The following SLC8B1 variants were observed in gnomAD, a reference collection of about 807,000 sequenced individuals.
The protein encoded by SLC8B1 is mitochondrial sodium/calcium exchanger protein.
Under a neutral mutation model 63.4 loss-of-function variants are expected in SLC8B1, and 52 were observed. The observed-to-expected ratio is 0.82, with a 90% CI of 0.66 to 1.03. The LOEUF is 1.03. SLC8B1 is among the 50% of genes least tolerant of loss of function. The pLI is 0.00. For synonymous variants in SLC8B1, 336 were observed against 323.9 expected, an observed-to-expected ratio of 1.04 and a Z score of -0.40; for missense variants, 657 against 741.7, an observed-to-expected ratio of 0.89 and a Z score of 1.33.
intron 11 of SLC8B1, among the ~76,000 whole-genome samples, chr12:113,311,065 G>A (rs936098775): frequency 7.2e-4 from 109 of 152,212 alleles, no homozygotes; most frequent in African/African-American, 2.6e-3. Flanking sequence ...CTATAATGCC[G>A]GCACTTTGGG....
rs971933254 is a variant in SLC8B1, at chr12:113,305,234, G to A, written c.1493-849C>T. On this transcript the variant is annotated intron_variant, in intron 14 of 15. Coordinates refer to ENST00000680972, the MANE Select transcript of SLC8B1 (RefSeq NM_001358345.2). This position sits in a 1 kb window ranked among gnomAD's most constrained non-coding sequence, Gnocchi z 4.3. The stretch of plus-strand genomic sequence containing the variant: ...CAGCCAACCTGGGAGGTCAGGCGAG[G>A]CTGCAGCCCGAAAGCCAGGAGTAGG... 2.0e-5 allele frequency among the ~76,000 whole-genome samples: 3 copies of A among 152,232 alleles called. No individual in the cohort carries two copies. Among genetic ancestry groups the A allele is most frequent in the Non-Finnish European group, 2.9e-5 (2 of 68,042 alleles).
chr12:113,321,692 T>G (rs1032634755), intron 2 of SLC8B1, among the ~76,000 whole-genome samples: 5 of 152,142 alleles, frequency 3.3e-5, no homozygotes, highest in Admixed American at 6.6e-5. Context: ...TCAATTATAT[T>G]TGTATATATA....
Position 113,320,894 on chromosome 12 carries a change from A to G in SLC8B1, c.376T>C (p.Leu126=). The G allele has an allele frequency of 6.2e-7, 1 of 1,606,480 alleles. No individual in the cohort carries two copies. Among genetic ancestry groups the G allele is most frequent in the Non-Finnish European group, 8.5e-7 (1 of 1,177,378 alleles). Residue 126 remains leucine (L), a synonymous_variant, in exon 5 of 16, where the codon TTG becomes CTG. Transcript: ENST00000680972. This position sits in a 1 kb window ranked among gnomAD's most constrained non-coding sequence, Gnocchi z 5.3. ...TTCAGTGTGGTAGAAATGGCCGACAAGTTGGGGCAGAAACTACGGAGAAAA... is the reference window on the plus strand; with the variant it reads ...TTCAGTGTGGTAGAAATGGCCGACAGGTTGGGGCAGAAACTACGGAGAAAA... ...VTAAKFFCPN[L]SAISTTLKLS...
Position 113,299,865 on chromosome 12 carries a change from T to C in SLC8B1, c.1667A>G (p.Tyr556Cys), listed in dbSNP as rs931374983. Reference sequence around the variant, plus strand: ...GTAGAAGAGGAGCAGGCAGAAGCCATAGACTCTGCTGAGCTGGAAGCACTG... The same window carrying C: ...GTAGAAGAGGAGCAGGCAGAAGCCACAGACTCTGCTGAGCTGGAAGCACTG... ...PLQCFQLSRV[Y>C]GFCLLLFYLN... is the part of the protein sequence containing the mutation. Residue 556 changes from tyrosine to cysteine, a missense_variant, in exon 16 of 16, where the codon TAT becomes TGT. By Grantham distance (194) the Tyr-to-Cys change is radical. Coordinates refer to ENST00000680972, the MANE Select transcript of SLC8B1 (RefSeq NM_001358345.2). 3.1e-6 allele frequency: 5 copies of C among 1,614,166 alleles called. No homozygotes were observed. Among genetic ancestry groups the C allele is most frequent in the East Asian group, 2.2e-5 (1 of 44,884 alleles).
chr12:113,314,054 A>G (rs1174309313), intron 11 of SLC8B1, among the ~76,000 whole-genome samples: 1 of 152,168 alleles, frequency 6.6e-6, no homozygotes, highest in Non-Finnish European at 1.5e-5. Flanking sequence ...TAAAGATGCC[A>G]CAACGCTTGT....
At chr12:113,317,781 T>C (rs1279537448) in intron 8 of SLC8B1, among the ~76,000 whole-genome samples, 1 of 151,982 alleles carries the variant, frequency 6.6e-6, no homozygotes. Flanking sequence ...TTTGTATGTG[T>C]GTTGTGTATG....
chr12:113,330,781 T>C (rs1418114976), intron 2 of SLC8B1, among the ~76,000 whole-genome samples: 1 of 152,162 alleles, frequency 6.6e-6, no homozygotes, highest in Non-Finnish European at 1.5e-5. Flanking sequence ...GCTGTGGGCA[T>C]TGAATGCTCT....
chr12:113,334,247 C>G (rs567668205), intron 1 of SLC8B1, among the ~76,000 whole-genome samples, 196 bp downstream of exon 1: 3 of 152,198 alleles, frequency 2.0e-5, no homozygotes, highest in Non-Finnish European at 4.4e-5. Context: ...AACTAAATTT[C>G]CTGTTTTGGC....
intron 11 of SLC8B1, among the ~76,000 whole-genome samples, chr12:113,311,906 A>C (rs915661125): frequency 2.0e-5 from 3 of 151,896 alleles, no homozygotes; most frequent in Admixed American, 6.6e-5. Flanking sequence ...TTTTACCTAC[A>C]GTGCCAGCTT....
Position 113,315,419 on chromosome 12 carries a change from C to G in SLC8B1, c.1051G>C (p.Asp351His), listed in dbSNP as rs1956821816. The G allele has an allele frequency of 1.9e-6, 3 of 1,595,864 alleles. No homozygotes were observed. Among genetic ancestry groups the G allele is most frequent in the Non-Finnish European group, 2.6e-6 (3 of 1,171,610 alleles). The change falls in exon 11 of 16, where the codon GAC (aspartate) becomes CAC (histidine). Residue 351 changes from aspartate to histidine, a missense_variant. Asp to His is a moderately conservative substitution (Grantham distance 81). Coordinates refer to ENST00000680972, the MANE Select transcript of SLC8B1 (RefSeq NM_001358345.2). The part of the protein sequence containing the change: ...TVPVVDPDKD[D>H]QNWKRPLNCL... ...TTGAGGGGCCGTTTCCAGTTCTGGT[C>G]ATCCTTGTCCGGGTCCACGACGGGG...
intron 2 of SLC8B1, among the ~76,000 whole-genome samples, chr12:113,331,410 T>C (rs1051738659): frequency 5.6e-5 from 8 of 143,082 alleles, no homozygotes; most frequent in South Asian, 2.2e-4. Context: ...AAAAAAAAAT[T>C]GAGTCAGTGG....
rs190682274 is a variant in SLC8B1 at position 113,302,642 on chromosome 12, G to A, written c.1557+1679C>T. ...ACGCAGTGAAGACATGAGGTACCGT[G>A]TGGGCTGTTTCTAGGCACCGTGGCG... On this transcript the variant is annotated intron_variant, in intron 15 of 15. Transcript: ENST00000680972. 8.8e-6 allele frequency: 4 copies of A among 456,126 alleles called. No homozygotes were observed. In the East Asian group the frequency reaches 2.8e-4, roughly 32 times the overall value. The allele number at this position is 456,126 out of a possible 1,614,324, so 28.3% of individuals were successfully genotyped here.
Position 113,316,718 on chromosome 12 carries a change from C to T in SLC8B1, c.863-62G>A, listed in dbSNP as rs866590476. ...GCTGACTTGCTCTCCAGGAAACCTT[C>T]CCCGCTCCATCCCACCAGTCCTCCC... On this transcript the variant is annotated intron_variant, in intron 9 of 15. Coordinates refer to ENST00000680972, the MANE Select transcript of SLC8B1 (RefSeq NM_001358345.2). 4.1e-5 allele frequency: 66 copies of T among 1,592,950 alleles called. No individual in the cohort carries two copies. The African/African-American group carries it at 5.8e-4, about 14-fold the overall frequency.
At chr12:113,315,196 T>C in intron 11 of SLC8B1, 139 bp downstream of exon 11, 2 of 847,240 alleles carry the variant, frequency 2.4e-6, no homozygotes, top group Non-Finnish European at 3.4e-6. Flanking sequence ...TTAGATGGGA[T>C]GATTGCTTGA....
At chr12:113,329,544 G>A (rs994747876) in intron 2 of SLC8B1, among the ~76,000 whole-genome samples, 10 of 151,970 alleles carry the variant, frequency 6.6e-5, no homozygotes, top group Non-Finnish European at 1.2e-4. Context: ...TGCCCTCCCC[G>A]AGCTGCACAG....
intron 11 of SLC8B1, 55 bp downstream of exon 11, chr12:113,315,280 C>G (rs1956818418): frequency 1.4e-6 from 2 of 1,453,688 alleles, no homozygotes; most frequent in Admixed American, 5.1e-5. Context: ...GAAGAAAACT[C>G]CAGAACGTGG....
chr12:113,300,116 C>A lies in SLC8B1; in HGVS notation c.1558-142G>T, dbSNP rs995822814. ...CTCAGCAACAATGCAGCCTCAGCAACAATGCAGCCTCAACAACAATCCAGC... is the reference window on the plus strand; with the variant it reads ...CTCAGCAACAATGCAGCCTCAGCAAAAATGCAGCCTCAACAACAATCCAGC... On this transcript the variant is annotated intron_variant, in intron 15 of 15. Coordinates refer to ENST00000680972, the MANE Select transcript of SLC8B1 (RefSeq NM_001358345.2). The A allele has an allele frequency of 4.5e-5, 28 of 628,650 alleles. No homozygotes were observed. In the Admixed American group the frequency reaches 6.4e-4, roughly 14 times the overall value. 38.9% of individuals were successfully genotyped at this position (628,650 alleles called of 1,614,324 possible).
In SLC8B1 at chr12:113,303,114, G is replaced by GACACACACACACAC. The variant is rs57763094; in HGVS notation, c.1557+1193_1557+1206dup. Among the ~76,000 whole-genome samples the GACACACACACACAC allele has an allele frequency of 3.1e-4, 44 of 140,850 alleles. 1 individual carries two copies. Among genetic ancestry groups the GACACACACACACAC allele is most frequent in the African/African-American group, 5.9e-4 (22 of 37,104 alleles). 92.4% of individuals were successfully genotyped at this position (140,850 alleles called of 152,430 possible). On this transcript the variant is annotated intron_variant, in intron 15 of 15. Coordinates refer to ENST00000680972, the MANE Select transcript of SLC8B1 (RefSeq NM_001358345.2). ...TCCTAAACTCAGCACAAAGGCGGTG[G>GACACACACACACAC]ACACACACACACACACACACACACA...
intron 2 of SLC8B1, among the ~76,000 whole-genome samples, chr12:113,321,780 T>TTA (rs10641990): frequency 0.18 from 26,253 of 145,532 alleles, 3,006 homozygotes; most frequent in African/African-American, 0.35. Context: ...GCTTTTACCA[T>TTA]TATATATATA....
Sources: allele counts gnomAD v4.1 joint callset (sites outside exome capture counted in the v4.1 genomes callset), GRCh38; gene constraint gnomAD v4.1.1; non-coding constraint Gnocchi (gnomAD v3.1); transcripts MANE v1.5; gene names NCBI Gene and HGNC (gene_info 2026-07-23, HGNC 2026-07-21).